PIK3R6: variants seen among roughly 807,000 people sequenced by gnomAD.
PIK3R6 encodes phosphoinositide-3-kinase regulatory subunit 6.
In PIK3R6, 91 loss-of-function variants were observed where a neutral mutation model predicts 84.9. The ratio of observed to expected loss-of-function variants is 1.07; its 90% confidence interval spans 0.90 to 1.28. The LOEUF (loss-of-function observed/expected upper bound fraction) is 1.28, where lower values mean the gene tolerates loss of function less well. PIK3R6 is among the 50% of genes most tolerant of loss of function. The probability of loss-of-function intolerance (pLI) is 0.00; values close to 1 mark genes in which losing one functional copy is unlikely to be tolerated. For missense variants in PIK3R6, 996 were observed against 985.1 expected, an observed-to-expected ratio of 1.01 and a Z score of -0.15; for synonymous variants, 416 against 411.4, an observed-to-expected ratio of 1.01 and a Z score of -0.13.
At chr17:8,836,736 C>T in intron 6 of PIK3R6, 55 bp downstream of exon 6, 1 of 1,610,074 alleles carries the variant, frequency 6.2e-7, no homozygotes, top group Non-Finnish European at 8.5e-7. Context: ...AAGGAAAGAC[C>T]CTGGGCAATG....
intron 7 of PIK3R6, among the ~76,000 whole-genome samples, chr17:8,835,750 C>G (rs1156982485): frequency 1.3e-5 from 2 of 152,146 alleles, no homozygotes; most frequent in Admixed American, 6.5e-5. Context: ...TGCTCCCTCT[C>G]TCAGCATCCT....
chr17:8,865,974 G>A (rs1412606703), intron 1 of PIK3R6, among the ~76,000 whole-genome samples: 1 of 152,188 alleles, frequency 6.6e-6, no homozygotes, highest in Non-Finnish European at 1.5e-5. Context: ...GGCGATGACT[G>A]CAGCTTGGCA....
chr17:8,834,208 G>A (rs939662987), intron 8 of PIK3R6, among the ~76,000 whole-genome samples: 5 of 150,286 alleles, frequency 3.3e-5, no homozygotes, highest in Admixed American at 6.6e-5. Flanking sequence ...CTAAGAGAAC[G>A]TTCCAAGCAT....
intron 18 of PIK3R6, among the ~76,000 whole-genome samples, chr17:8,808,161 A>T (rs539526262): frequency 9.8e-5 from 15 of 152,288 alleles, no homozygotes; most frequent in African/African-American, 3.6e-4. Flanking sequence ...GTACCATTAA[A>T]CGAGACAGGA....
chr17:8,860,459 C>G (rs1403763463), intron 1 of PIK3R6, among the ~76,000 whole-genome samples: 1 of 149,702 alleles, frequency 6.7e-6, no homozygotes, highest in Non-Finnish European at 1.5e-5. Flanking sequence ...CCCCAGCCCC[C>G]TTCCCCACCC....
rs771646325 is a variant in PIK3R6 at position 8,829,775 on chromosome 17, G to A, written c.820C>T (p.Arg274Trp). ...CTGGGCAGGGGAATGCTTGGTGGCC[G>A]CTCTTGGACAAGGTCACCTGCAGAA... ...GRCGGDLVQE[R>W]PPSIPLPSPY... Residue 274 changes from arginine (R) to tryptophan (W), a missense_variant, in exon 10 of 20, where the codon CGG (arginine) becomes TGG (tryptophan). Coordinates refer to ENST00000619866, the MANE Select transcript of PIK3R6 (RefSeq NM_001010855.4). 36 of 1,551,558 alleles carry A rather than the reference G, an allele frequency of 2.3e-5. No homozygotes were observed. The highest frequency in any genetic ancestry group is 8.3e-5 in the South Asian group (7 of 84,062).
In PIK3R6 at chr17:8,842,399, G is replaced by C. The variant is rs913857347; in HGVS notation, c.14-2702C>G. Among the ~76,000 whole-genome samples, 21 of 152,102 alleles carry C rather than the reference G, an allele frequency of 1.4e-4. No homozygotes were observed. Among genetic ancestry groups the C allele is most frequent in the African/African-American group, 4.1e-4 (17 of 41,392 alleles). ...CTGAGCTTTTCTTGGACTCCCATCA[G>C]TCCAAGGCATTTCCACTGACCCTTC... On this transcript the variant is annotated intron_variant, in intron 2 of 19. Coordinates refer to ENST00000619866, the MANE Select transcript of PIK3R6 (RefSeq NM_001010855.4). This position sits in a 1 kb window ranked among gnomAD's most constrained non-coding sequence, Gnocchi z 4.5.
At chr17:8,860,673 G>C (rs2089258871) in intron 1 of PIK3R6, among the ~76,000 whole-genome samples, 1 of 152,056 alleles carries the variant, frequency 6.6e-6, no homozygotes, top group African/African-American at 2.4e-5. Context: ...TCCAGCTTTT[G>C]CTTAAAATAA....
At chr17:8,812,469 T>C (rs1425572566) in intron 18 of PIK3R6, among the ~76,000 whole-genome samples, 5 of 152,212 alleles carry the variant, frequency 3.3e-5, no homozygotes, top group Non-Finnish European at 7.3e-5. Context: ...CATTTGCACA[T>C]GGAACATTCT....
chr17:8,831,597 T>C (rs1422319496), intron 9 of PIK3R6, among the ~76,000 whole-genome samples: 1 of 151,848 alleles, frequency 6.6e-6, no homozygotes, highest in African/African-American at 2.4e-5. Flanking sequence ...GAAGATGGAG[T>C]CTTTAGGCAG....
At chr17:8,825,484 C>A (rs1250488438) in intron 13 of PIK3R6, among the ~76,000 whole-genome samples, 2 of 152,134 alleles carry the variant, frequency 1.3e-5, no homozygotes. Context: ...GTACTAAATA[C>A]TTACAAGCAC....
Position 8,839,619 on chromosome 17 carries a change from T to C in PIK3R6, c.92A>G (p.Asn31Ser), listed in dbSNP as rs1377925645. 1.3e-6 allele frequency: 2 copies of C among 1,569,508 alleles called. No individual in the cohort carries two copies. The highest frequency in any genetic ancestry group is 3.8e-5 in the Admixed American group (2 of 52,978). The change falls in exon 3 of 20, where the codon AAC (asparagine) becomes AGC (serine). Residue 31 changes from asparagine (N) to serine (S), a missense_variant. Physicochemically the swap from Asn to Ser is conservative, Grantham distance 46. Transcript: ENST00000619866. This position sits in a 1 kb window ranked among gnomAD's most constrained non-coding sequence, Gnocchi z 4.2. ...LSTQAPALQSNQGMWRWSLHK... is the reference protein window; with the variant it reads ...LSTQAPALQSSQGMWRWSLHK... Reference sequence around the variant, plus strand: ...TGCTGCCAGCTGGCTCTTACCTTGGTTGCTCTGCAGGGCAGGGGCCTGGGT... The same window carrying C: ...TGCTGCCAGCTGGCTCTTACCTTGGCTGCTCTGCAGGGCAGGGGCCTGGGT...
chr17:8,827,120 A>G (rs1254437500), intron 13 of PIK3R6, 52 bp downstream of exon 13: 4 of 1,593,008 alleles, frequency 2.5e-6, no homozygotes, highest in Non-Finnish European at 2.6e-6. Flanking sequence ...CCCTCTGCCC[A>G]GACCCCACTC....
chr17:8,849,795 G>A lies in PIK3R6; in HGVS notation c.-1C>T. On this transcript the variant is annotated 5_prime_UTR_variant, in exon 2 of 20. Coordinates refer to ENST00000619866, the MANE Select transcript of PIK3R6 (RefSeq NM_001010855.4). ...CACCACACTGACCTGAGCTCTCCAT[G>A]GGAGCCTTTGGGTGTAGGAGGAGGA... The A allele has an allele frequency of 1.9e-6, 3 of 1,611,940 alleles. No individual in the cohort carries two copies. Among genetic ancestry groups the A allele is most frequent in the Non-Finnish European group, 2.5e-6 (3 of 1,178,978 alleles).
intron 1 of PIK3R6, among the ~76,000 whole-genome samples, chr17:8,864,977 A>T (rs139107105): frequency 5.3e-5 from 8 of 152,118 alleles, no homozygotes; most frequent in African/African-American, 1.9e-4. Context: ...CACACAGCTC[A>T]TCACTCCCTT....
chr17:8,819,917 TA>T (rs1371940869), intron 17 of PIK3R6, among the ~76,000 whole-genome samples: 38 of 138,112 alleles, frequency 2.8e-4, no homozygotes, highest in African/African-American at 9.3e-4. Flanking sequence ...TACATATATA[TA>T]TTTTATATAT....
intron 1 of PIK3R6, among the ~76,000 whole-genome samples, chr17:8,850,442 C>A (rs562596240): frequency 6.6e-6 from 1 of 152,196 alleles, no homozygotes; most frequent in Non-Finnish European, 1.5e-5. Flanking sequence ...ATCTCTCCCC[C>A]CTCCCCAGTT....
At chr17:8,855,755 G>A (rs1410365491) in intron 1 of PIK3R6, among the ~76,000 whole-genome samples, 1 of 152,240 alleles carries the variant, frequency 6.6e-6, no homozygotes, top group Non-Finnish European at 1.5e-5. Context: ...AAATGGCACA[G>A]CCGTTCTGGA....
At position 8,803,285 on chromosome 17, in the gene PIK3R6, A is replaced by G. The variant is rs1329925064; in HGVS notation, c.2253T>C (p.Gly751=). The G allele has an allele frequency of 2.5e-6, 4 of 1,612,276 alleles. No individual in the cohort carries two copies. Among genetic ancestry groups the G allele is most frequent in the Non-Finnish European group, 3.4e-6 (4 of 1,179,790 alleles). The part of the protein sequence containing the change: ...PLLMPINTFS[G]IVQ ...TGTCCCTGCAGGCTCACTGGACAAT[A>G]CCAGAGAATGTGTTGATGGGCATCA... Residue 751 remains glycine (G), a synonymous_variant, in exon 20 of 20, where the codon GGT becomes GGC. Coordinates refer to ENST00000619866, the MANE Select transcript of PIK3R6 (RefSeq NM_001010855.4). This position sits in a 1 kb window ranked among gnomAD's most constrained non-coding sequence, Gnocchi z 5.0.
Sources: allele counts gnomAD v4.1 joint callset (sites outside exome capture counted in the v4.1 genomes callset), GRCh38; gene constraint gnomAD v4.1.1; non-coding constraint Gnocchi (gnomAD v3.1); transcripts MANE v1.5; gene names NCBI Gene and HGNC (gene_info 2026-07-23, HGNC 2026-07-21).